ADAD1: variants seen among roughly 807,000 people sequenced by gnomAD.
The protein encoded by ADAD1 is adenosine deaminase domain containing 1, also known as adenosine deaminase domain-containing protein 1.
Under a neutral mutation model 66.8 loss-of-function variants are expected in ADAD1, and 46 were observed. The observed-to-expected ratio is 0.69, with a 90% CI of 0.54 to 0.88. The LOEUF is 0.88. Ranked by LOEUF, ADAD1 falls within the 40% of genes least tolerant of loss-of-function variation. The pLI is 0.00. For missense variants in ADAD1, 617 were observed against 681.8 expected (o/e 0.91, Z 1.06); for synonymous variants, 248 against 229.4 (o/e 1.08, Z -0.73).
intron 8 of ADAD1, among the ~76,000 whole-genome samples, chr4:122,408,281 TG>T (rs1796308173): frequency 6.6e-6 from 1 of 152,180 alleles, no homozygotes. Flanking sequence ...TTTGTTGTTT[TG>T]TTTTGTTTTG....
At chr4:122,422,067 G>T (rs1282377053) in intron 12 of ADAD1, among the ~76,000 whole-genome samples, 2 of 150,778 alleles carry the variant, frequency 1.3e-5, no homozygotes, top group Non-Finnish European at 2.9e-5. Flanking sequence ...GGCCATATTG[G>T]GTATGGTATG....
At position 122,411,386 on chromosome 4, in the gene ADAD1, C is replaced by T; in HGVS notation, c.1013C>T (p.Ser338Leu). ...CCTAAAGGATCAGCCCAGATTAAGT[C>T]ACAGTTGTAAGTATTATAGAAGTTG... ...QLPKGSAQIK[S>L]QLRLNPHSIS... Residue 338 changes from serine to leucine, a missense_variant, in exon 9 of 13, where the codon TCA becomes TTA. Coordinates refer to ENST00000296513, the MANE Select transcript of ADAD1 (RefSeq NM_139243.4). The T allele has an allele frequency of 6.2e-7, 1 of 1,610,604 alleles. No individual in the cohort carries two copies. The highest frequency in any genetic ancestry group is 8.5e-7 in the Non-Finnish European group (1 of 1,178,894).
At chr4:122,384,520 T>C (rs1795067755) in intron 5 of ADAD1, among the ~76,000 whole-genome samples, 1 of 152,164 alleles carries the variant, frequency 6.6e-6, no homozygotes, top group African/African-American at 2.4e-5. Flanking sequence ...GTGGTTGTCA[T>C]TAGGATTAGA....
intron 7 of ADAD1, among the ~76,000 whole-genome samples, chr4:122,398,234 C>T (rs1192229185): frequency 6.6e-6 from 1 of 151,774 alleles, no homozygotes; most frequent in Non-Finnish European, 1.5e-5. Flanking sequence ...TAAGTGAGAA[C>T]ATAGAATGTT....
chr4:122,411,425 G>C (rs1425105580), intron 9 of ADAD1, 33 bp downstream of exon 9: 4 of 1,574,882 alleles, frequency 2.5e-6, no homozygotes, highest in Non-Finnish European at 2.6e-6. Context: ...TTAAAAGCAA[G>C]TAGGATGGCC....
chr4:122,393,096 C>G (rs1243699989), intron 5 of ADAD1, among the ~76,000 whole-genome samples: 1 of 149,544 alleles, frequency 6.7e-6, no homozygotes, highest in Non-Finnish European at 1.5e-5. Context: ...TTCTGTACTC[C>G]CTAACTTTGG....
chr4:122,414,120 T>C lies in ADAD1; in HGVS notation c.1250-1259T>C, dbSNP rs574044034. ...ATATATGAAGGGAAAAAGTAAAATT[T>C]ATAATAAAATATTTATAAACTTTTT... is the stretch of plus-strand genomic sequence containing the variant. On this transcript the variant is annotated intron_variant, in intron 10 of 12. Transcript: ENST00000296513. 2.0e-5 allele frequency among the ~76,000 whole-genome samples: 3 copies of C among 150,856 alleles called. No homozygotes were observed. In the East Asian group the frequency reaches 5.8e-4, roughly 29 times the overall value.
At chr4:122,391,516 G>A (rs1363544774) in intron 5 of ADAD1, among the ~76,000 whole-genome samples, 2 of 152,180 alleles carry the variant, frequency 1.3e-5, no homozygotes, top group Non-Finnish European at 2.9e-5. Flanking sequence ...CCACTTAGGG[G>A]CTCAGGCCCA....
At chr4:122,417,887 C>A (rs1796813310) in intron 11 of ADAD1, among the ~76,000 whole-genome samples, 1 of 152,014 alleles carries the variant, frequency 6.6e-6, no homozygotes, top group Non-Finnish European at 1.5e-5. Context: ...AATTCTGACT[C>A]CTGGTTCAAA....
At chr4:122,403,476 T>C (rs1302490440) in intron 7 of ADAD1, among the ~76,000 whole-genome samples, 1 of 152,248 alleles carries the variant, frequency 6.6e-6, no homozygotes, top group Non-Finnish European at 1.5e-5. Context: ...CTGGTTACAC[T>C]GGCAGTGAAG....
chr4:122,429,178 C>T (rs1797398946), intron 12 of ADAD1, among the ~76,000 whole-genome samples: 1 of 151,136 alleles, frequency 6.6e-6, no homozygotes, highest in African/African-American at 2.4e-5. Context: ...TGGCTCATGC[C>T]TGGCCAGAGC....
At chr4:122,407,170 G>A (rs1271299737) in intron 7 of ADAD1, among the ~76,000 whole-genome samples, 1 of 152,024 alleles carries the variant, frequency 6.6e-6, no homozygotes, top group Non-Finnish European at 1.5e-5. Context: ...ACTGAACTTT[G>A]TTTGAAAAAC....
At chr4:122,389,377 A>G (rs1795330070) in intron 5 of ADAD1, among the ~76,000 whole-genome samples, 1 of 152,200 alleles carries the variant, frequency 6.6e-6, no homozygotes, top group South Asian at 2.1e-4. Context: ...TGCCAGGTCC[A>G]CTTGATCCAG....
chr4:122,418,421 C>T (rs1468751037), intron 11 of ADAD1, among the ~76,000 whole-genome samples: 1 of 148,424 alleles, frequency 6.7e-6, no homozygotes, highest in Non-Finnish European at 1.5e-5. Context: ...CTTCCTGGTT[C>T]ACGCCATTCT....
intron 5 of ADAD1, among the ~76,000 whole-genome samples, chr4:122,387,661 A>G (rs898008420): frequency 2.0e-5 from 3 of 151,954 alleles, no homozygotes; most frequent in Admixed American, 1.3e-4. Flanking sequence ...TGCCCATTCA[A>G]TATTATATTG....
At chr4:122,405,743 T>G (rs1796179291) in intron 7 of ADAD1, among the ~76,000 whole-genome samples, 2 of 152,174 alleles carry the variant, frequency 1.3e-5, no homozygotes. Flanking sequence ...CCATTTCCCC[T>G]TCTTTCTAAC....
intron 12 of ADAD1, among the ~76,000 whole-genome samples, chr4:122,421,657 A>G (rs1797005909): frequency 6.6e-6 from 1 of 152,154 alleles, no homozygotes; most frequent in Non-Finnish European, 1.5e-5. Context: ...GCTATGTCAT[A>G]CCAGAGAAAC....
intron 7 of ADAD1, among the ~76,000 whole-genome samples, chr4:122,400,951 T>C (rs1261604245): frequency 6.6e-6 from 1 of 152,088 alleles, no homozygotes; most frequent in African/African-American, 2.4e-5. Flanking sequence ...GAACCAGCTT[T>C]TCGTTTCATT....
chr4:122,402,453 A>G (rs749828559), intron 7 of ADAD1, among the ~76,000 whole-genome samples: 1 of 152,170 alleles, frequency 6.6e-6, no homozygotes, highest in Non-Finnish European at 1.5e-5. Context: ...GACTTTAGAT[A>G]GCCTGATGAC....
Sources: gnomAD v4.1 joint callset for allele counts (sites outside exome capture counted in the v4.1 genomes callset) on GRCh38, gnomAD v4.1.1 for gene constraint, MANE v1.5 for transcripts, NCBI Gene and HGNC (gene_info 2026-07-23, HGNC 2026-07-21) for gene names.